Variants in GPR158 observed in about 807,000 individuals in gnomAD.
GPR158 encodes the protein metabotropic glycine receptor.
GPR158 carries 30 observed loss-of-function variants against 78.2 expected under a neutral mutation model. The observed-to-expected ratio is 0.38, with a 90% CI of 0.29 to 0.52. The LOEUF (loss-of-function observed/expected upper bound fraction) is 0.52. Ranked by LOEUF, GPR158 falls within the 20% of genes least tolerant of loss-of-function variation. The pLI, the probability that GPR158 is intolerant of heterozygous loss-of-function variation, is 0.83. For missense variants in GPR158, 1,463 were observed against 1,523.5 expected, an observed-to-expected ratio of 0.96 and a Z score of 0.66; for synonymous variants, 581 against 591.1, an observed-to-expected ratio of 0.98 and a Z score of 0.25.
intron 5 of GPR158, among the ~76,000 whole-genome samples, chr10:25,549,421 A>G (rs1339937863): frequency 6.6e-6 from 1 of 152,030 alleles, no homozygotes; most frequent in Non-Finnish European, 1.5e-5. Context: ...AATTTGTACA[A>G]TTTTAACTTG....
At chr10:25,413,351 G>A (rs10508694) in intron 4 of GPR158, among the ~76,000 whole-genome samples, 11,537 of 152,154 alleles carry the variant, frequency 0.076, 454 homozygotes, top group East Asian at 0.16. Context: ...AAAGAGGTGC[G>A]TAGAAGCATT....
At chr10:25,333,386 C>G (rs1350484177) in intron 2 of GPR158, among the ~76,000 whole-genome samples, 1 of 152,068 alleles carries the variant, frequency 6.6e-6, no homozygotes, top group Non-Finnish European at 1.5e-5. Flanking sequence ...TTTTAGGTAT[C>G]CCAGTGGTTC....
chr10:25,533,387 G>A (rs1836450952), intron 5 of GPR158, among the ~76,000 whole-genome samples: 5 of 152,100 alleles, frequency 3.3e-5, no homozygotes. Context: ...GAAAAACCTG[G>A]ACTTATATAT....
rs531404134 is a variant in GPR158 at position 25,363,826 on chromosome 10, C to T, written c.1009-32085C>T. ...CTAAGCATGCTCAGGTTACATGACC[C>T]TCAGGGTCCATGGCAACTGAAAAAT... On this transcript the variant is annotated intron_variant, in intron 2 of 10. Transcript: ENST00000376351. 6.6e-5 allele frequency among the ~76,000 whole-genome samples: 10 copies of T among 151,938 alleles called. No individual in the cohort carries two copies. The East Asian group carries it at 1.8e-3, about 27-fold the overall frequency.
intron 6 of GPR158, among the ~76,000 whole-genome samples, chr10:25,557,195 A>C (rs971844800): frequency 6.6e-6 from 1 of 152,180 alleles, no homozygotes; most frequent in South Asian, 2.1e-4. Context: ...AACTCTGTGT[A>C]GTTATGGGTC....
At chr10:25,429,275 A>G (rs896685464) in intron 4 of GPR158, among the ~76,000 whole-genome samples, 26 of 152,052 alleles carry the variant, frequency 1.7e-4, no homozygotes, top group African/African-American at 6.3e-4. Flanking sequence ...ATTCTTACCA[A>G]TTTTTACTTT....
chr10:25,521,139 C>A (rs962546670), intron 5 of GPR158, among the ~76,000 whole-genome samples: 1 of 152,224 alleles, frequency 6.6e-6, no homozygotes, highest in Non-Finnish European at 1.5e-5. Context: ...CAGGTGCATC[C>A]GTCACCCCTT....
chr10:25,336,890 G>C (rs1200787908), intron 2 of GPR158, among the ~76,000 whole-genome samples: 1 of 152,094 alleles, frequency 6.6e-6, no homozygotes, highest in South Asian at 2.1e-4. Flanking sequence ...CCTTACTGGT[G>C]TAATTCAGTT....
intron 2 of GPR158, among the ~76,000 whole-genome samples, chr10:25,287,096 G>A (rs1296043137): frequency 6.6e-6 from 1 of 152,024 alleles, no homozygotes; most frequent in Non-Finnish European, 1.5e-5. Context: ...ATTTCTTAGG[G>A]TTATGAGTTT....
chr10:25,420,138 G>A (rs1834729297), intron 4 of GPR158, among the ~76,000 whole-genome samples: 1 of 151,600 alleles, frequency 6.6e-6, no homozygotes, highest in Non-Finnish European at 1.5e-5. Flanking sequence ...AGGGTCTTTT[G>A]AAGCCCCAAA....
chr10:25,569,444 C>A (rs1454794668), intron 6 of GPR158, among the ~76,000 whole-genome samples: 1 of 151,790 alleles, frequency 6.6e-6, no homozygotes, highest in Non-Finnish European at 1.5e-5. Flanking sequence ...ACTCAAGTAT[C>A]AAAAAAAATA....
In GPR158 at chr10:25,221,140, C is replaced by A; in HGVS notation, c.991C>A (p.His331Asn). Residue 331 changes from histidine (H) to asparagine (N), a missense_variant, in exon 2 of 11, where the codon CAC (histidine) becomes AAC (asparagine). Transcript: ENST00000376351. ...DGWFSGTHKC[H>N]LNNSECMPIK... ...CTGGTTTTCAGGAACTCATAAATGCCACCTCAACAATTCAGAGGTAAGAAG... is the reference window on the plus strand; with the variant it reads ...CTGGTTTTCAGGAACTCATAAATGCAACCTCAACAATTCAGAGGTAAGAAG... 1 of 1,545,272 alleles carries A rather than the reference C, an allele frequency of 6.5e-7. No homozygotes were observed. Among genetic ancestry groups the A allele is most frequent in the Non-Finnish European group, 8.9e-7 (1 of 1,118,234 alleles).
At chr10:25,490,074 C>T (rs1282074617) in intron 5 of GPR158, among the ~76,000 whole-genome samples, 1 of 152,058 alleles carries the variant, frequency 6.6e-6, no homozygotes, top group African/African-American at 2.4e-5. Flanking sequence ...GGAAACCCAG[C>T]TGGGCAATAT....
chr10:25,254,502 G>A (rs535013203), intron 2 of GPR158, among the ~76,000 whole-genome samples: 9 of 152,182 alleles, frequency 5.9e-5, no homozygotes, highest in Middle Eastern at 3.4e-3. Context: ...AATAATTTCC[G>A]TGTAGTCACT....
intron 5 of GPR158, among the ~76,000 whole-genome samples, chr10:25,550,053 T>C (rs1836708519): frequency 6.6e-6 from 1 of 152,172 alleles, no homozygotes; most frequent in African/African-American, 2.4e-5. Context: ...CCAATTCTTA[T>C]TCTACAAGGA....
chr10:25,370,658 G>A (rs540754852), intron 2 of GPR158, among the ~76,000 whole-genome samples: 2 of 150,098 alleles, frequency 1.3e-5, no homozygotes, highest in South Asian at 2.2e-4. Context: ...ATTTGGGGTG[G>A]AGAGTTCTGT....
At chr10:25,221,567 A>G (rs1360507060) in intron 2 of GPR158, among the ~76,000 whole-genome samples, 3 of 152,192 alleles carry the variant, frequency 2.0e-5, no homozygotes, top group Non-Finnish European at 4.4e-5. Context: ...AGAGCACTAG[A>G]GAAGGCATGG....
chr10:25,180,374 G>A (rs1285981809), intron 1 of GPR158, among the ~76,000 whole-genome samples: 5 of 152,130 alleles, frequency 3.3e-5, no homozygotes, highest in Non-Finnish European at 5.9e-5. Context: ...GTAAATGAAG[G>A]AGCTAAAATA....
At chr10:25,473,517 G>T (rs140972538) in intron 5 of GPR158, among the ~76,000 whole-genome samples, 3,760 of 152,102 alleles carry the variant, frequency 0.025, 166 homozygotes, top group African/African-American at 0.085. Context: ...TTGGAATAGT[G>T]TCAGAAGGAA....
Sources: allele counts gnomAD v4.1 joint callset (sites outside exome capture counted in the v4.1 genomes callset), GRCh38; gene constraint gnomAD v4.1.1; transcripts MANE v1.5; gene names NCBI Gene and HGNC (gene_info 2026-07-23, HGNC 2026-07-21).